The following MATR3 variants were observed in gnomAD, a reference collection of about 807,000 sequenced individuals.
MATR3 encodes the protein matrin 3, also known as matrin-3.
In MATR3, 4 loss-of-function variants were observed where a neutral mutation model predicts 85.5. The ratio of observed to expected loss-of-function variants is 0.05; its 90% CI spans 0.02 to 0.11. The LOEUF (loss-of-function observed/expected upper bound fraction) is 0.11, where lower values mean the gene tolerates loss of function less well. Ranked by LOEUF, MATR3 falls within the 10% of genes least tolerant of loss-of-function variation. The probability of loss-of-function intolerance (pLI) is 1.00; values close to 1 mark genes in which losing one functional copy is unlikely to be tolerated. For missense variants in MATR3, 685 were observed against 1,016.1 expected (o/e 0.67, Z 4.43); for synonymous variants, 336 against 343.1 (o/e 0.98, Z 0.23).
chr5:139,303,830 A>G (rs550053637), intron 1 of MATR3, among the ~76,000 whole-genome samples: 3 of 152,242 alleles, frequency 2.0e-5, no homozygotes, highest in Non-Finnish European at 2.9e-5. Flanking sequence ...TATTTTAGTA[A>G]TTCTGCTAGA....
intron 2 of MATR3, among the ~76,000 whole-genome samples, 165 bp downstream of exon 2, chr5:139,308,492 T>C (rs576044011): frequency 6.6e-6 from 1 of 152,370 alleles, no homozygotes; most frequent in South Asian, 2.1e-4. Context: ...TTGAGCATTT[T>C]AAACCAGGGC....
chr5:139,275,154 T>A (rs1267481109), intron 1 of MATR3, among the ~76,000 whole-genome samples: 2 of 122,366 alleles, frequency 1.6e-5, no homozygotes, highest in Admixed American at 8.1e-5. Context: ...TTTTTTTTTT[T>A]TTTTTTTTTT....
chr5:139,290,438 C>CTGTTTTTTTTT, upstream of MATR3, among the ~76,000 whole-genome samples: 1 of 44,978 alleles, frequency 2.2e-5, no homozygotes, highest in African/African-American at 1.3e-4. Context: ...CCTGGCCGCT[C>CTGTTTTTTTTT]TTTTTTTTTT....
chr5:139,314,397 C>CT, intron 2 of MATR3: 2 of 387,842 alleles, frequency 5.2e-6, no homozygotes, highest in East Asian at 5.6e-5. Flanking sequence ...TACTCTTGAT[C>CT]TTTATTAACT....
intron 1 of MATR3, among the ~76,000 whole-genome samples, chr5:139,302,780 CAT>C (rs1179441391): frequency 6.6e-6 from 1 of 152,150 alleles, no homozygotes; most frequent in Non-Finnish European, 1.5e-5. Context: ...CTACCTAAAA[CAT>C]ATTTGGTATA....
intron 12 of MATR3, 53 bp downstream of exon 12, chr5:139,323,020 T>C: frequency 1.3e-6 from 2 of 1,537,480 alleles, no homozygotes; most frequent in Non-Finnish European, 1.8e-6. Context: ...CAGATCAGTA[T>C]TTCAAGTTAT....
At chr5:139,316,700 C>G (rs954954659) in intron 5 of MATR3, among the ~76,000 whole-genome samples, 1 of 152,118 alleles carries the variant, frequency 6.6e-6, no homozygotes, top group African/African-American at 2.4e-5. Flanking sequence ...CAAGTATGTG[C>G]CACCACACCC....
At chr5:139,312,487 TAGAG>T (rs1321591233) in intron 2 of MATR3, 3 of 152,200 alleles carry the variant, frequency 2.0e-5, no homozygotes, top group Non-Finnish European at 2.9e-5. Flanking sequence ...AGCTGATGAT[TAGAG>T]AGCCAGCTGG....
At chr5:139,319,301 C>T (rs770930323) in intron 8 of MATR3, 33 bp from the exon 9 acceptor site, 13 of 1,594,220 alleles carry the variant, frequency 8.2e-6, no homozygotes, top group Non-Finnish European at 1.1e-5. Context: ...AATTATTGCA[C>T]ATTTGTCCTT....
chr5:139,281,123 G>T (rs777283134), intron 3 of MATR3, among the ~76,000 whole-genome samples: 4 of 151,856 alleles, frequency 2.6e-5, no homozygotes, highest in African/African-American at 4.8e-5. Context: ...CAAACCTCCT[G>T]CCTCAGCCTC....
intron 4 of MATR3, 164 bp from the exon 5 acceptor site, chr5:139,315,912 G>A: frequency 1.3e-6 from 1 of 752,208 alleles, no homozygotes; most frequent in East Asian, 2.7e-5. Context: ...GTAGTAATTT[G>A]TATTCTTTTA....
In MATR3 at chr5:139,308,339, C is replaced by T. The variant is rs755908157; in HGVS notation, c.912+12C>T. The T allele has an allele frequency of 1.2e-6, 2 of 1,613,742 alleles. No individual in the cohort carries two copies. The highest frequency in any genetic ancestry group is 2.2e-5 in the East Asian group (1 of 44,892). ...TTCATTCTAATAAGGTGAGTTAACTCAACAGATGCTTCTAATTTCTTTTAC... is the reference window on the plus strand; with the variant it reads ...TTCATTCTAATAAGGTGAGTTAACTTAACAGATGCTTCTAATTTCTTTTAC... On this transcript the variant is annotated intron_variant, in intron 2 of 14. Transcript: ENST00000394805.
At chr5:139,297,732 T>C (rs1754229006) in intron 1 of MATR3, among the ~76,000 whole-genome samples, 1 of 152,176 alleles carries the variant, frequency 6.6e-6, no homozygotes, top group Non-Finnish European at 1.5e-5. Flanking sequence ...GTTCTCTGTA[T>C]AGATAAAGCT....
chr5:139,317,544 C>G, intron 6 of MATR3, 52 bp from the exon 7 acceptor site: 1 of 1,592,630 alleles, frequency 6.3e-7, no homozygotes, highest in Non-Finnish European at 8.6e-7. Context: ...TAATTGGTTT[C>G]ATATTGCTTT....
chr5:139,277,758 C>T (rs1238782895), intron 2 of MATR3, among the ~76,000 whole-genome samples: 4 of 118,448 alleles, frequency 3.4e-5, no homozygotes, highest in East Asian at 2.1e-4. Flanking sequence ...CATGTCTGCT[C>T]GTCTTTTTTT....
At position 139,319,039 on chromosome 5, in the gene MATR3, G is replaced by C. The variant is rs761158675; in HGVS notation, c.1434+6G>C. The C allele has an allele frequency of 6.2e-7, 1 of 1,602,646 alleles. No individual in the cohort carries two copies. Among genetic ancestry groups the C allele is most frequent in the South Asian group, 1.1e-5 (1 of 90,666 alleles). ...AGAAGTATAAAAGAATAAAGGTAAT[G>C]TTTATTTTTTTCAAGCTGTATATCA... On this transcript the variant is annotated splice_donor_region_variant and intron_variant, in intron 8 of 14. Transcript: ENST00000394805.
In MATR3 at chr5:139,315,158, T is replaced by C. The variant is rs1755178903; in HGVS notation, c.974+422T>C. The C allele has an allele frequency of 6.7e-5, 14 of 210,298 alleles. No homozygotes were observed. In the South Asian group the frequency reaches 8.4e-4, roughly 13 times the overall value. The allele number at this position is 210,298 out of a possible 1,614,324, so 13.0% of individuals were successfully genotyped here. ...AATCCTTGGTGATGAATTTTTTTTTTTTTTTTGCTTTTGAGATCTTTGGTT... is the reference window on the plus strand; with the variant it reads ...AATCCTTGGTGATGAATTTTTTTTTCTTTTTTGCTTTTGAGATCTTTGGTT... On this transcript the variant is annotated intron_variant, in intron 3 of 14. Transcript: ENST00000394805.
At chr5:139,326,793 A>C (rs1015023434) in intron 14 of MATR3, among the ~76,000 whole-genome samples, 10 of 152,198 alleles carry the variant, frequency 6.6e-5, no homozygotes, top group African/African-American at 1.2e-4. Context: ...CCCTTGCTAC[A>C]TAACAATTTA....
At chr5:139,319,178 G>A in intron 8 of MATR3, 145 bp downstream of exon 8, 2 of 1,243,372 alleles carry the variant, frequency 1.6e-6, no homozygotes, top group African/African-American at 1.5e-5. Context: ...AAGGTCAGAA[G>A]GATTATGTGA....
Sources: gnomAD v4.1 joint callset for allele counts (sites outside exome capture counted in the v4.1 genomes callset) on GRCh38, gnomAD v4.1.1 for gene constraint, MANE v1.5 for transcripts, NCBI Gene and HGNC (gene_info 2026-07-23, HGNC 2026-07-21) for gene names.